SNX29: variants seen among roughly 807,000 people sequenced by gnomAD.
SNX29 encodes the protein sorting nexin-29.
Under a neutral mutation model 102.1 loss-of-function variants are expected in SNX29, and 78 were observed. That is an observed-to-expected ratio of 0.76 (90% CI 0.64 to 0.92). SNX29 has a LOEUF of 0.92. SNX29 is among the 40% of genes least tolerant of loss of function. The probability of loss-of-function intolerance (pLI) is 0.00; values close to 1 mark genes in which losing one functional copy is unlikely to be tolerated. For synonymous variants in SNX29, 580 were observed against 414.5 expected, an observed-to-expected ratio of 1.40 and a Z score of -4.85; for missense variants, 1,280 against 1,061.7, an observed-to-expected ratio of 1.21 and a Z score of -2.86.
intron 11 of SNX29, among the ~76,000 whole-genome samples, chr16:12,121,114 A>C (rs572262332): frequency 6.6e-6 from 1 of 152,306 alleles, no homozygotes; most frequent in East Asian, 1.9e-4. Flanking sequence ...ACCAGGTCTC[A>C]CGTGTGTTCT....
chr16:12,362,252 G>GGAAATCCTCAGTGTAGAT (rs2082321046), intron 16 of SNX29, among the ~76,000 whole-genome samples: 1 of 152,200 alleles, frequency 6.6e-6, no homozygotes, highest in Non-Finnish European at 1.5e-5. Flanking sequence ...CATCCTGGGT[G>GGAAATCCTCAGTGTAGAT]GAAATCCTCA....
rs548445019 is a variant in SNX29 at position 12,341,388 on chromosome 16, C to T, written c.1783-14775C>T. 2.6e-5 allele frequency among the ~76,000 whole-genome samples: 4 copies of T among 152,320 alleles called. No individual in the cohort carries two copies. The East Asian group carries it at 5.8e-4, about 22-fold the overall frequency. On this transcript the variant is annotated intron_variant, in intron 15 of 20. Coordinates refer to ENST00000566228, the MANE Select transcript of SNX29 (RefSeq NM_032167.5). Reference sequence around the variant, plus strand: ...AGCTGCCTTTAACAAATGTCTTTGGCCTCTGTGCCTTTCCTCAGACTTTCA... The same window carrying T: ...AGCTGCCTTTAACAAATGTCTTTGGTCTCTGTGCCTTTCCTCAGACTTTCA...
intron 18 of SNX29, among the ~76,000 whole-genome samples, chr16:12,477,447 A>G (rs138120355): frequency 6.1e-4 from 93 of 152,372 alleles, no homozygotes; most frequent in African/African-American, 2.1e-3. Context: ...CATCTCTGCT[A>G]TTAATTGGGC....
intron 11 of SNX29, among the ~76,000 whole-genome samples, chr16:12,109,535 C>A (rs1255109977): frequency 2.6e-5 from 4 of 152,090 alleles, no homozygotes; most frequent in Non-Finnish European, 5.9e-5. Context: ...ACATTGAAAC[C>A]ACAGCAGCCC....
intron 18 of SNX29, among the ~76,000 whole-genome samples, chr16:12,458,403 C>A (rs2086628111): frequency 6.6e-6 from 1 of 152,190 alleles, no homozygotes; most frequent in South Asian, 2.1e-4. Context: ...GAGGAAGAAG[C>A]ATCAAACGCG....
At chr16:11,992,320 A>G (rs1318516012) in intron 1 of SNX29, among the ~76,000 whole-genome samples, 1 of 152,006 alleles carries the variant, frequency 6.6e-6, no homozygotes, top group African/African-American at 2.4e-5. Context: ...AATTGAGGTG[A>G]AATTCACAAA....
rs71408262 is a variant in SNX29, at chr16:12,376,736, C to CAAAAA, written c.1899+20475_1899+20479dup. On this transcript the variant is annotated intron_variant, in intron 16 of 20. Coordinates refer to ENST00000566228, the MANE Select transcript of SNX29 (RefSeq NM_032167.5). ...TGGGCAACAAACCAAGACTCTGTCT[C>CAAAAA]AAAAAAAAAAAAAAAAAAAAAAGAA... Among the ~76,000 whole-genome samples, 296 of 77,612 alleles carry CAAAAA rather than the reference C, an allele frequency of 3.8e-3. 3 individuals carry two copies. The highest frequency in any genetic ancestry group is 0.01 in the African/African-American group (191 of 19,018). The allele number at this position is 77,612 out of a possible 152,430, so 50.9% of individuals were successfully genotyped here.
rs2141549942 is a variant in SNX29, at chr16:12,566,697, G to C, written c.2319-1809G>C. Among the ~76,000 whole-genome samples the C allele has an allele frequency of 1.6e-4, 2 of 12,524 alleles. 1 individual carries two copies. Among genetic ancestry groups the C allele is most frequent in the African/African-American group, 6.9e-4 (2 of 2,904 alleles). The allele number at this position is 12,524 out of a possible 152,430, so 8.2% of individuals were successfully genotyped here. A position where few individuals can be genotyped will look rare whatever the true frequency, so the allele number is the denominator to read the frequency against. On this transcript the variant is annotated intron_variant, in intron 20 of 20. Transcript: ENST00000566228. Reference sequence around the variant, plus strand: ...AGGGATAAAGAGGCTCTTCGTAAGTGGGGTCCCCCATCCTTTGAAGAGAGG... The same window carrying C: ...AGGGATAAAGAGGCTCTTCGTAAGTCGGGTCCCCCATCCTTTGAAGAGAGG...
At chr16:12,467,147 C>G (rs565973169) in intron 18 of SNX29, among the ~76,000 whole-genome samples, 1 of 152,308 alleles carries the variant, frequency 6.6e-6, no homozygotes, top group South Asian at 2.1e-4. Context: ...ACCAGTGGCT[C>G]AGACTCAGTA....
intron 15 of SNX29, among the ~76,000 whole-genome samples, chr16:12,341,601 TA>T (rs1395874233): frequency 6.6e-6 from 1 of 152,248 alleles, no homozygotes; most frequent in African/African-American, 2.4e-5. Context: ...CTGCTCCACA[TA>T]ATGACTCAGA....
At chr16:12,523,552 G>T (rs1265157898) in intron 19 of SNX29, among the ~76,000 whole-genome samples, 1 of 152,234 alleles carries the variant, frequency 6.6e-6, no homozygotes, top group Admixed American at 6.5e-5. Flanking sequence ...TATGGAATGT[G>T]TGGGGCCCAG....
chr16:12,271,507 C>A (rs1216775454), intron 14 of SNX29, among the ~76,000 whole-genome samples: 2 of 152,116 alleles, frequency 1.3e-5, no homozygotes, highest in Non-Finnish European at 2.9e-5. Context: ...TAAACATAGT[C>A]TGTTTATTGG....
At position 12,569,493 on chromosome 16, in the gene SNX29, C is replaced by G. The variant is rs944626429; in HGVS notation, c.*864C>G. ...GGTCAGGGAACCACTGCAGAAGGTT[C>G]CAGGGTTTTCAAACCAGGCTCCATG... On this transcript the variant is annotated 3_prime_UTR_variant, in exon 21 of 21. Coordinates refer to ENST00000566228, the MANE Select transcript of SNX29 (RefSeq NM_032167.5). 2.2e-5 allele frequency: 5 copies of G among 231,526 alleles called. No individual in the cohort carries two copies. Among genetic ancestry groups the G allele is most frequent in the Non-Finnish European group, 3.4e-5 (4 of 117,066 alleles). The allele number at this position is 231,526 out of a possible 1,614,324, so 14.3% of individuals were successfully genotyped here. A position where few individuals can be genotyped will look rare whatever the true frequency, so the allele number is the denominator to read the frequency against.
intron 13 of SNX29, among the ~76,000 whole-genome samples, chr16:12,143,584 C>G (rs1171877711): frequency 6.6e-6 from 1 of 152,080 alleles, no homozygotes; most frequent in Non-Finnish European, 1.5e-5. Flanking sequence ...ACAGACCCTC[C>G]CTTAGAGAGA....
chr16:12,509,040 G>A (rs2089497448), intron 19 of SNX29, among the ~76,000 whole-genome samples: 2 of 152,084 alleles, frequency 1.3e-5, no homozygotes, highest in African/African-American at 4.8e-5. Context: ...CTAACATTTT[G>A]TCTCCATTAT....
At chr16:12,294,986 G>A (rs958921341) in intron 15 of SNX29, among the ~76,000 whole-genome samples, 9 of 152,116 alleles carry the variant, frequency 5.9e-5, no homozygotes, top group African/African-American at 1.9e-4. Context: ...CTTACATGGC[G>A]TCAGGCAAAG....
chr16:12,545,603 T>C lies in SNX29; in HGVS notation c.2318+20762T>C, dbSNP rs572233741. 2.0e-5 allele frequency: 3 copies of C among 152,300 alleles called. No homozygotes were observed. In the East Asian group the frequency reaches 5.8e-4, roughly 29 times the overall value. The allele number at this position is 152,300 out of a possible 1,614,324, so 9.4% of individuals were successfully genotyped here. ...ACCCATTTCCTCTGGAATCCAGAGGTACAGAAAGCAAGGGTCTGGCTCTTT... is the reference window on the plus strand; with the variant it reads ...ACCCATTTCCTCTGGAATCCAGAGGCACAGAAAGCAAGGGTCTGGCTCTTT... On this transcript the variant is annotated intron_variant, in intron 20 of 20. Coordinates refer to ENST00000566228, the MANE Select transcript of SNX29 (RefSeq NM_032167.5).
chr16:12,541,563 C>G (rs1381104251), intron 20 of SNX29, among the ~76,000 whole-genome samples: 1 of 152,142 alleles, frequency 6.6e-6, no homozygotes, highest in African/African-American at 2.4e-5. Flanking sequence ...TTCAAGCTGC[C>G]AAATTGCTCT....
intron 14 of SNX29, among the ~76,000 whole-genome samples, chr16:12,243,566 C>T (rs957482916): frequency 3.3e-5 from 5 of 152,204 alleles, no homozygotes; most frequent in African/African-American, 7.2e-5. Context: ...ACCTTTTGGG[C>T]AACAGGGACC....
Sources: allele counts gnomAD v4.1 joint callset (sites outside exome capture counted in the v4.1 genomes callset), GRCh38; gene constraint gnomAD v4.1.1; transcripts MANE v1.5; gene names NCBI Gene and HGNC (gene_info 2026-07-23, HGNC 2026-07-21).